CENPW: variants seen among roughly 807,000 people sequenced by gnomAD.
CENPW encodes the protein centromere protein W.
A neutral mutation model predicts 11.1 loss-of-function variants in CENPW; 3 were observed. The observed-to-expected ratio is 0.27, with a 90% CI of 0.12 to 0.70. The LOEUF is 0.70. Among genes scored for constraint, CENPW ranks in the 30% least tolerant of loss-of-function variants. The pLI is 0.77. For synonymous variants in CENPW, 38 were observed against 42.0 expected, an observed-to-expected ratio of 0.91 and a Z score of 0.37; for missense variants, 100 against 105.6, an observed-to-expected ratio of 0.95 and a Z score of 0.23.
At chr6:126,426,660 T>C in the CENPW span, among the ~76,000 whole-genome samples, 1 of 152,120 alleles carries the variant, frequency 6.6e-6, no homozygotes, top group Non-Finnish European at 1.5e-5. Flanking sequence ...CAGGACCAAT[T>C]AGATATTCAT....
the CENPW span, among the ~76,000 whole-genome samples, chr6:126,415,692 C>A: frequency 6.6e-6 from 1 of 152,132 alleles, no homozygotes; most frequent in Non-Finnish European, 1.5e-5. Context: ...ACAAGTCTCA[C>A]AAGATCTGAT....
chr6:126,402,516 A>T, the CENPW span, among the ~76,000 whole-genome samples: 4 of 32,254 alleles, frequency 1.2e-4, no homozygotes, highest in African/African-American at 2.4e-4. Context: ...TCTCCCACCC[A>T]CCCACCCACT....
chr6:126,410,580 A>C, the CENPW span, among the ~76,000 whole-genome samples: 1 of 151,788 alleles, frequency 6.6e-6, no homozygotes, highest in Non-Finnish European at 1.5e-5. Context: ...ATTTTACAAT[A>C]TAGATTTTTG....
At chr6:126,357,638 T>C in the CENPW span, among the ~76,000 whole-genome samples, 23 of 152,112 alleles carry the variant, frequency 1.5e-4, no homozygotes, top group African/African-American at 4.3e-4. Flanking sequence ...AGATGGAGTC[T>C]TGCTCTGTCG....
the CENPW span, among the ~76,000 whole-genome samples, chr6:126,360,713 C>T: frequency 6.6e-6 from 1 of 151,776 alleles, no homozygotes; most frequent in Non-Finnish European, 1.5e-5. Flanking sequence ...GTCTATTCTG[C>T]TGCTACTACT....
intron 2 of CENPW, 37 bp from the exon 3 acceptor site, chr6:126,348,429 A>C: frequency 9.3e-7 from 1 of 1,073,434 alleles, no homozygotes; most frequent in Admixed American, 1.8e-5. Flanking sequence ...TATTTTTCAT[A>C]GATATAATAT....
the CENPW span, among the ~76,000 whole-genome samples, chr6:126,457,952 C>T: frequency 9.9e-5 from 15 of 151,328 alleles, no homozygotes; most frequent in Non-Finnish European, 1.0e-4. Flanking sequence ...GCATGGGACT[C>T]TCTGTTTATC....
chr6:126,445,944 A>G, the CENPW span, among the ~76,000 whole-genome samples: 1 of 151,132 alleles, frequency 6.6e-6, no homozygotes, highest in South Asian at 2.1e-4. Context: ...ATCAAGCCCA[A>G]ATTGAACACT....
the CENPW span, among the ~76,000 whole-genome samples, chr6:126,475,375 C>T: frequency 6.6e-6 from 1 of 152,006 alleles, no homozygotes; most frequent in Non-Finnish European, 1.5e-5. Context: ...ATCAAAACAT[C>T]TCTTGTGCCC....
At chr6:126,450,073 A>G in the CENPW span, among the ~76,000 whole-genome samples, 1 of 151,130 alleles carries the variant, frequency 6.6e-6, no homozygotes, top group African/African-American at 2.4e-5. Flanking sequence ...CAGAAGATGC[A>G]TGAGTTTTGT....
downstream of CENPW, among the ~76,000 whole-genome samples, chr6:126,350,034 G>A (rs575333503): frequency 1.3e-5 from 2 of 152,004 alleles, no homozygotes; most frequent in Non-Finnish European, 2.9e-5. Context: ...GTTGGCTCAG[G>A]TTTAATTTTT....
the CENPW span, among the ~76,000 whole-genome samples, chr6:126,443,525 T>G: frequency 5.0e-4 from 75 of 151,332 alleles, no homozygotes; most frequent in Non-Finnish European, 9.0e-4. Context: ...TTCTCTTAGA[T>G]CCTTTATTTC....
chr6:126,481,744 C>T, the CENPW span, among the ~76,000 whole-genome samples: 1 of 152,002 alleles, frequency 6.6e-6, no homozygotes, highest in East Asian at 1.9e-4. Flanking sequence ...GCTATAAAAA[C>T]GCCAGTTTTC....
chr6:126,369,965 G>A, the CENPW span, among the ~76,000 whole-genome samples: 1 of 152,112 alleles, frequency 6.6e-6, no homozygotes, highest in African/African-American at 2.4e-5. Flanking sequence ...CGTGAGAGAT[G>A]AGGATCCAGT....
chr6:126,411,517 G>T, the CENPW span, among the ~76,000 whole-genome samples: 4 of 152,088 alleles, frequency 2.6e-5, no homozygotes, highest in African/African-American at 7.2e-5. Context: ...TGAACCTATT[G>T]TGGCACATGG....
the CENPW span, among the ~76,000 whole-genome samples, chr6:126,379,002 A>G: frequency 6.6e-6 from 1 of 152,210 alleles, no homozygotes; most frequent in African/African-American, 2.4e-5. Flanking sequence ...TTCAGTCAAC[A>G]TATTTTTGGG....
chr6:126,391,882 C>T, the CENPW span, among the ~76,000 whole-genome samples: 71 of 151,848 alleles, frequency 4.7e-4, no homozygotes, highest in African/African-American at 1.6e-3. Flanking sequence ...AGCTGTGTAG[C>T]ATCATTTGAA....
the CENPW span, among the ~76,000 whole-genome samples, chr6:126,359,889 G>A: frequency 1.3e-5 from 2 of 151,724 alleles, no homozygotes; most frequent in African/African-American, 2.4e-5. Flanking sequence ...TATCTGAATT[G>A]CAACTCTACC....
the CENPW span, among the ~76,000 whole-genome samples, chr6:126,482,905 G>A: frequency 5.7e-3 from 874 of 152,052 alleles, 14 homozygotes; most frequent in African/African-American, 0.02. Flanking sequence ...GATTTGGATA[G>A]AGATTATGTT....
Sources: allele counts gnomAD v4.1 joint callset (sites outside exome capture counted in the v4.1 genomes callset), GRCh38; gene constraint gnomAD v4.1.1; transcripts MANE v1.5; gene names NCBI Gene and HGNC (gene_info 2026-07-23, HGNC 2026-07-21).